Variants in AOPEP observed in about 807,000 individuals in gnomAD.
AOPEP encodes the protein aminopeptidase O.
AOPEP carries 77 observed loss-of-function variants against 98.1 expected under a neutral mutation model. The observed-to-expected ratio is 0.78, with a 90% CI of 0.65 to 0.95. The LOEUF is 0.95. AOPEP is among the 40% of genes least tolerant of loss of function. The pLI, the probability that AOPEP is intolerant of heterozygous loss-of-function variation, is 0.00. For synonymous variants in AOPEP, 346 were observed against 365.3 expected (o/e 0.95, Z 0.60); for missense variants, 1,024 against 1,024.7 (o/e 1.00, Z 0.01).
intron 5 of AOPEP, among the ~76,000 whole-genome samples, chr9:94,847,469 G>T (rs1483191660): frequency 2.0e-5 from 3 of 152,202 alleles, no homozygotes; most frequent in Non-Finnish European, 4.4e-5. Context: ...AGAGGCTGCT[G>T]CCAGGGCCAG....
the AOPEP span, chr9:95,100,483 C>G: frequency 5.2e-5 from 12 of 231,866 alleles, no homozygotes; most frequent in African/African-American, 2.2e-4. Context: ...CTAATACACA[C>G]AAATCAAAAT....
chr9:94,954,843 T>C (rs1199108823), intron 7 of AOPEP, among the ~76,000 whole-genome samples: 1 of 152,242 alleles, frequency 6.6e-6, no homozygotes, highest in East Asian at 1.9e-4. Context: ...AAGTAAAGCT[T>C]CATTTTCCAT....
At chr9:94,770,804 A>G (rs1453095072) in intron 2 of AOPEP, among the ~76,000 whole-genome samples, 1 of 152,106 alleles carries the variant, frequency 6.6e-6, no homozygotes, top group African/African-American at 2.4e-5. Context: ...AGTGTACTGC[A>G]ACTGCCTGTT....
Position 94,756,052 on chromosome 9 carries a change from G to A in AOPEP, c.-135-3597G>A, listed in dbSNP as rs565888549. ...AGGCAGGCAGATCACGAGGTCAGGA[G>A]ATCAAGACCATCCTGGCTAACATGG... On this transcript the variant is annotated intron_variant, in intron 1 of 16. Coordinates refer to ENST00000375315, the MANE Select transcript of AOPEP (RefSeq NM_001193329.3). 9.3e-4 allele frequency among the ~76,000 whole-genome samples: 142 copies of A among 152,262 alleles called. 2 individuals are homozygous for A. Among genetic ancestry groups the A allele is most frequent in the African/African-American group, 3.1e-3 (129 of 41,548 alleles).
chr9:94,969,236 T>C (rs2059386697), intron 10 of AOPEP, among the ~76,000 whole-genome samples: 1 of 151,982 alleles, frequency 6.6e-6, no homozygotes, highest in Non-Finnish European at 1.5e-5. Flanking sequence ...CTCACTGCCC[T>C]GGAAGGAGGG....
intron 5 of AOPEP, among the ~76,000 whole-genome samples, chr9:94,885,473 A>C (rs1395511020): frequency 6.6e-6 from 1 of 151,172 alleles, no homozygotes; most frequent in African/African-American, 2.4e-5. Flanking sequence ...ACGTGGCTAA[A>C]GGGAAAAAGC....
At chr9:94,757,684 A>G (rs1837367031) in intron 1 of AOPEP, among the ~76,000 whole-genome samples, 2 of 152,184 alleles carry the variant, frequency 1.3e-5, no homozygotes, top group South Asian at 2.1e-4. Flanking sequence ...TCTGAATATA[A>G]TAGTTTAGCC....
intron 1 of AOPEP, among the ~76,000 whole-genome samples, chr9:94,748,145 A>T (rs1588026115): frequency 6.6e-6 from 1 of 152,136 alleles, no homozygotes; most frequent in South Asian, 2.1e-4. Context: ...TCCCCTGCCC[A>T]TTCTTTCTGC....
At chr9:94,948,051 T>G (rs747897586) in intron 7 of AOPEP, among the ~76,000 whole-genome samples, 1 of 152,230 alleles carries the variant, frequency 6.6e-6, no homozygotes, top group Non-Finnish European at 1.5e-5. Flanking sequence ...AACAGTTAAT[T>G]TTTTAAAAAC....
At chr9:95,056,662 A>C (rs2066851796) in intron 13 of AOPEP, 1 of 152,202 alleles carries the variant, frequency 6.6e-6, no homozygotes. Flanking sequence ...GCATGCATAA[A>C]AACTCTCCCA....
chr9:94,983,206 G>C (rs1433258027), intron 11 of AOPEP, among the ~76,000 whole-genome samples: 1 of 152,062 alleles, frequency 6.6e-6, no homozygotes, highest in Non-Finnish European at 1.5e-5. Context: ...TGTATTTTTA[G>C]TAGAGACGGG....
At chr9:94,872,412 C>T (rs968618277) in intron 5 of AOPEP, among the ~76,000 whole-genome samples, 2 of 152,106 alleles carry the variant, frequency 1.3e-5, no homozygotes, top group Non-Finnish European at 2.9e-5. Context: ...GGCCCAAACC[C>T]GGGGCTCATG....
intron 13 of AOPEP, among the ~76,000 whole-genome samples, chr9:95,039,639 C>T (rs911497999): frequency 6.6e-6 from 1 of 152,144 alleles, no homozygotes; most frequent in African/African-American, 2.4e-5. Context: ...ATACATTTAA[C>T]ATAAGTAATA....
chr9:95,123,688 G>A, the AOPEP span: 15 of 670,624 alleles, frequency 2.2e-5, no homozygotes, highest in South Asian at 6.8e-5. Flanking sequence ...TTTCTGAAGC[G>A]AGCGTCTTTG....
In AOPEP at chr9:94,972,123, G is replaced by A. The variant is rs1013445509; in HGVS notation, c.1916+4322G>A. Among the ~76,000 whole-genome samples the A allele has an allele frequency of 2.0e-5, 3 of 152,212 alleles. No homozygotes were observed. Among genetic ancestry groups the A allele is most frequent in the Non-Finnish European group, 2.9e-5 (2 of 68,034 alleles). On this transcript the variant is annotated intron_variant, in intron 10 of 16. Transcript: ENST00000375315. This position sits in a 1 kb window ranked among gnomAD's most constrained non-coding sequence, Gnocchi z 4.2. ...TGGAGCTATGGCAGGGACGGTGACCGTGGTGGTGGGTTTGAGAGTAAATAA... is the reference window on the plus strand; with the variant it reads ...TGGAGCTATGGCAGGGACGGTGACCATGGTGGTGGGTTTGAGAGTAAATAA...
At chr9:94,853,217 TG>T (rs1262961554) in intron 5 of AOPEP, among the ~76,000 whole-genome samples, 1 of 152,236 alleles carries the variant, frequency 6.6e-6, no homozygotes, top group Admixed American at 6.5e-5. Context: ...CCCAGCAGTT[TG>T]GGAGGCCGAC....
chr9:95,030,889 A>G (rs976960149), intron 13 of AOPEP, among the ~76,000 whole-genome samples: 1 of 152,258 alleles, frequency 6.6e-6, no homozygotes. Context: ...TATTTCTAAG[A>G]AACATGCAGT....
intron 7 of AOPEP, among the ~76,000 whole-genome samples, chr9:94,944,628 G>A (rs1462624020): frequency 6.6e-6 from 1 of 152,116 alleles, no homozygotes; most frequent in African/African-American, 2.4e-5. Flanking sequence ...GCCATGGCAC[G>A]ATCATGGCTC....
intron 5 of AOPEP, among the ~76,000 whole-genome samples, chr9:94,896,524 C>G (rs1403733420): frequency 6.6e-6 from 1 of 152,142 alleles, no homozygotes; most frequent in African/African-American, 2.4e-5. Context: ...GCGGGGTGAT[C>G]AAGGTTAGCA....
Sources: allele counts gnomAD v4.1 joint callset (sites outside exome capture counted in the v4.1 genomes callset), GRCh38; gene constraint gnomAD v4.1.1; non-coding constraint Gnocchi (gnomAD v3.1); transcripts MANE v1.5; gene names NCBI Gene and HGNC (gene_info 2026-07-23, HGNC 2026-07-21).